Variants in RSPO2 observed in about 807,000 individuals in gnomAD.
RSPO2 encodes the protein R-spondin 2.
In RSPO2, 14 loss-of-function variants were observed where a neutral mutation model predicts 30.9. The ratio of observed to expected loss-of-function variants is 0.45; its 90% CI spans 0.30 to 0.71. The LOEUF is 0.71. RSPO2 is among the 30% of genes least tolerant of loss of function. The probability of loss-of-function intolerance (pLI) is 0.08; values close to 1 mark genes in which losing one functional copy is unlikely to be tolerated. For synonymous variants in RSPO2, 107 were observed against 96.4 expected (o/e 1.11, Z -0.64); for missense variants, 264 against 301.9 (o/e 0.87, Z 0.93).
intron 2 of RSPO2, among the ~76,000 whole-genome samples, chr8:108,074,418 A>T (rs1458854726): frequency 6.6e-6 from 1 of 152,222 alleles, no homozygotes; most frequent in Non-Finnish European, 1.5e-5. Flanking sequence ...ATGTACAGGC[A>T]AGTACACACA....
intron 5 of RSPO2, among the ~76,000 whole-genome samples, chr8:107,914,916 TA>T (rs1448481981): frequency 2.6e-5 from 4 of 152,168 alleles, no homozygotes; most frequent in Non-Finnish European, 5.9e-5. Flanking sequence ...AATGTTTTAT[TA>T]ATAGCCAGAT....
intron 5 of RSPO2, among the ~76,000 whole-genome samples, chr8:107,923,743 AAAGAACAAGAGCATGTCCTTTGC>A (rs367697818): frequency 0.12 from 18,264 of 152,012 alleles, 1,448 homozygotes; most frequent in Middle Eastern, 0.31. Context: ...CAGCCATAAA[AAAGAACAAGAGCATGTCCTTTGC>A]AAGAACAAGA....
intron 2 of RSPO2, among the ~76,000 whole-genome samples, chr8:108,020,947 A>G (rs1811042661): frequency 6.6e-6 from 1 of 152,204 alleles, no homozygotes; most frequent in Non-Finnish European, 1.5e-5. Context: ...CCACTTCAGT[A>G]CTTGGTGTCA....
intron 5 of RSPO2, among the ~76,000 whole-genome samples, chr8:107,915,799 A>C (rs1811964531): frequency 6.6e-6 from 1 of 152,116 alleles, no homozygotes; most frequent in African/African-American, 2.4e-5. Flanking sequence ...TGCTAGGATG[A>C]AAAATGTTAA....
chr8:108,031,313 G>A (rs1054990194), intron 2 of RSPO2, among the ~76,000 whole-genome samples: 6 of 152,186 alleles, frequency 3.9e-5, no homozygotes, highest in African/African-American at 7.2e-5. Flanking sequence ...CGTGACTCAG[G>A]AAGTTGTAAG....
Position 107,899,507 on chromosome 8 carries a change from G to A in RSPO2, c.*1568C>T, listed in dbSNP as rs1226191651. ...CTAAAGTTGTATACAACATTCATAT[G>A]TGGCTTATTATCTCATAGCAATATT... On this transcript the variant is annotated 3_prime_UTR_variant, in exon 6 of 6. Coordinates refer to ENST00000276659, the MANE Select transcript of RSPO2 (RefSeq NM_178565.5). 6.6e-6 allele frequency: 1 copy of A among 152,442 alleles called. No individual in the cohort carries two copies. Among genetic ancestry groups the A allele is most frequent in the African/African-American group, 2.4e-5 (1 of 41,378 alleles). 9.4% of individuals were successfully genotyped at this position (152,442 alleles called of 1,614,324 possible).
chr8:108,033,217 A>G (rs1234286703), intron 2 of RSPO2, among the ~76,000 whole-genome samples: 1 of 152,094 alleles, frequency 6.6e-6, no homozygotes, highest in African/African-American at 2.4e-5. Context: ...TTCTTATTGT[A>G]TACTGCAGCA....
In RSPO2 at chr8:108,060,743, A is replaced by G. The variant is rs141480567; in HGVS notation, c.94+21802T>C. ...AAGACACGTAATTGTCAGATTCACC[A>G]AAGTTGAAATGAAGGAAAAAATGTT... On this transcript the variant is annotated intron_variant, in intron 2 of 5. Transcript: ENST00000276659. Among the ~76,000 whole-genome samples the G allele has an allele frequency of 7.6e-4, 115 of 151,102 alleles. 6 individuals are homozygous for G. The East Asian group carries it at 0.022, about 28-fold the overall frequency.
chr8:108,066,225 T>C (rs976961872), intron 2 of RSPO2, among the ~76,000 whole-genome samples: 10 of 152,122 alleles, frequency 6.6e-5, no homozygotes, highest in African/African-American at 2.4e-4. Context: ...CCTCAAATAT[T>C]TTCCTTCCTC....
At chr8:107,937,859 C>T (rs1471660533) in intron 5 of RSPO2, among the ~76,000 whole-genome samples, 1 of 152,100 alleles carries the variant, frequency 6.6e-6, no homozygotes, top group Admixed American at 6.6e-5. Flanking sequence ...GATCCATATA[C>T]AGGTAGTGCT....
intron 2 of RSPO2, among the ~76,000 whole-genome samples, chr8:108,022,177 C>T (rs1057453011): frequency 6.6e-6 from 1 of 152,178 alleles, no homozygotes; most frequent in Non-Finnish European, 1.5e-5. Context: ...TTCCCAATCT[C>T]ACCCACCCTG....
intron 2 of RSPO2, among the ~76,000 whole-genome samples, chr8:108,007,278 C>A (rs926631148): frequency 6.6e-6 from 1 of 152,112 alleles, no homozygotes; most frequent in African/African-American, 2.4e-5. Flanking sequence ...TGAATGATTG[C>A]GGCCACACAG....
At chr8:107,973,323 T>C (rs149494522) in intron 3 of RSPO2, among the ~76,000 whole-genome samples, 1 of 152,184 alleles carries the variant, frequency 6.6e-6, no homozygotes, top group Admixed American at 6.5e-5. Flanking sequence ...TTTCTAATAT[T>C]TGCATTTATA....
At chr8:108,015,116 T>C (rs190672954) in intron 2 of RSPO2, among the ~76,000 whole-genome samples, 132 of 152,294 alleles carry the variant, frequency 8.7e-4, no homozygotes, top group African/African-American at 3.1e-3. Context: ...TTGGCCATAA[T>C]AGAAGCAGCA....
intron 3 of RSPO2, among the ~76,000 whole-genome samples, chr8:107,978,328 G>A (rs574359189): frequency 4.6e-5 from 7 of 152,222 alleles, no homozygotes; most frequent in East Asian, 3.9e-4. Context: ...TTGGGAGGCC[G>A]AGGCAGGAGA....
At chr8:108,014,987 T>C (rs1249324105) in intron 2 of RSPO2, among the ~76,000 whole-genome samples, 1 of 152,022 alleles carries the variant, frequency 6.6e-6, no homozygotes, top group Admixed American at 6.6e-5. Flanking sequence ...CTAAGGGCCA[T>C]ATAAGAATTA....
At chr8:108,040,677 G>A (rs1373394939) in intron 2 of RSPO2, among the ~76,000 whole-genome samples, 2 of 152,196 alleles carry the variant, frequency 1.3e-5, no homozygotes, top group East Asian at 1.9e-4. Flanking sequence ...GGTTTGAGGT[G>A]TAAAACTAAT....
At chr8:107,935,460 T>A (rs1020076176) in intron 5 of RSPO2, among the ~76,000 whole-genome samples, 1 of 152,044 alleles carries the variant, frequency 6.6e-6, no homozygotes, top group Non-Finnish European at 1.5e-5. Flanking sequence ...GGGGAAACCT[T>A]GGCCAGAACT....
At chr8:108,063,267 T>C (rs1586671302) in intron 2 of RSPO2, among the ~76,000 whole-genome samples, 1 of 151,964 alleles carries the variant, frequency 6.6e-6, no homozygotes, top group East Asian at 1.9e-4. Flanking sequence ...GACATGATTG[T>C]ATATCTAGAA....
Sources: allele counts gnomAD v4.1 joint callset (sites outside exome capture counted in the v4.1 genomes callset), GRCh38; gene constraint gnomAD v4.1.1; transcripts MANE v1.5; gene names NCBI Gene and HGNC (gene_info 2026-07-23, HGNC 2026-07-21).